ADGRB3: variants seen among roughly 807,000 people sequenced by gnomAD.
The protein encoded by ADGRB3 is brain-specific angiogenesis inhibitor 3.
A neutral mutation model predicts 193.4 loss-of-function variants in ADGRB3; 37 were observed. The ratio of observed to expected loss-of-function variants is 0.19; its 90% CI spans 0.15 to 0.25. ADGRB3 has a LOEUF of 0.25. ADGRB3 is among the 10% of genes least tolerant of loss of function. The pLI is 1.00. For missense variants in ADGRB3, 1,637 were observed against 1,852.9 expected, an observed-to-expected ratio of 0.88 and a Z score of 2.14; for synonymous variants, 690 against 644.2, an observed-to-expected ratio of 1.07 and a Z score of -1.08.
At chr6:68,943,225 G>A (rs1767688838) in intron 5 of ADGRB3, among the ~76,000 whole-genome samples, 1 of 152,094 alleles carries the variant, frequency 6.6e-6, no homozygotes, top group African/African-American at 2.4e-5. Flanking sequence ...TTTTATTTGA[G>A]TAGACACTCT....
intron 29 of ADGRB3, among the ~76,000 whole-genome samples, chr6:69,366,462 G>A (rs902887760): frequency 1.3e-5 from 2 of 152,108 alleles, no homozygotes. Context: ...AATTTGCAGT[G>A]ACGAAAATAA....
chr6:68,879,738 C>T (rs943313081), intron 3 of ADGRB3, among the ~76,000 whole-genome samples: 1 of 152,108 alleles, frequency 6.6e-6, no homozygotes, highest in African/African-American at 2.4e-5. Context: ...AGGAAGTGCA[C>T]TCTGGTCTGT....
rs554155415 is a variant in ADGRB3, at chr6:69,232,370, C to A, written c.2481-920C>A. Reference sequence around the variant, plus strand: ...ACCACGAACAAGACGTAGGTTGATACCATTTTTATTGTTCTGCTGGGGTGG... The same window carrying A: ...ACCACGAACAAGACGTAGGTTGATAACATTTTTATTGTTCTGCTGGGGTGG... On this transcript the variant is annotated intron_variant, in intron 17 of 31. Transcript: ENST00000370598. The A allele has an allele frequency of 2.2e-6, 3 of 1,387,754 alleles. 1 individual carries two copies. In the African/African-American group the frequency reaches 4.4e-5, roughly 20 times the overall value. The allele number at this position is 1,387,754 out of a possible 1,614,324, so 86.0% of individuals were successfully genotyped here.
chr6:68,918,861 G>A (rs1009792105), intron 3 of ADGRB3, among the ~76,000 whole-genome samples: 11 of 152,006 alleles, frequency 7.2e-5, no homozygotes, highest in Non-Finnish European at 1.6e-4. Context: ...TTTAATAAAA[G>A]TTGGATGGAG....
chr6:69,246,193 A>G (rs1199636594), intron 20 of ADGRB3, among the ~76,000 whole-genome samples: 1 of 152,160 alleles, frequency 6.6e-6, no homozygotes, highest in African/African-American at 2.4e-5. Context: ...AAATGTGCGT[A>G]GTTACAATTC....
At chr6:68,791,227 A>G (rs949136236) in intron 3 of ADGRB3, among the ~76,000 whole-genome samples, 1 of 152,262 alleles carries the variant, frequency 6.6e-6, no homozygotes, top group Non-Finnish European at 1.5e-5. Context: ...TAATCATTCT[A>G]AAGGTAATAT....
chr6:68,968,000 G>C (rs1167743401), intron 8 of ADGRB3, among the ~76,000 whole-genome samples: 1 of 152,114 alleles, frequency 6.6e-6, no homozygotes, highest in Non-Finnish European at 1.5e-5. Context: ...CTGTGCAGCT[G>C]GTGGGAAGCT....
At chr6:68,850,117 A>T (rs944540908) in intron 3 of ADGRB3, among the ~76,000 whole-genome samples, 1 of 151,484 alleles carries the variant, frequency 6.6e-6, no homozygotes, top group Non-Finnish European at 1.5e-5. Context: ...TTGTTCTGTA[A>T]CCTCAGGTCC....
At chr6:68,719,341 G>A (rs937059145) in intron 3 of ADGRB3, among the ~76,000 whole-genome samples, 7 of 151,670 alleles carry the variant, frequency 4.6e-5, no homozygotes, top group African/African-American at 7.3e-5. Flanking sequence ...TAGTGTGACC[G>A]AATAATTGAA....
intron 3 of ADGRB3, among the ~76,000 whole-genome samples, chr6:68,887,240 G>T (rs144042567): frequency 1.4e-3 from 216 of 151,984 alleles, no homozygotes; most frequent in Non-Finnish European, 2.4e-3. Flanking sequence ...AACAGGATAT[G>T]TAAACACCCA....
At chr6:69,048,390 A>G in intron 14 of ADGRB3, 56 bp downstream of exon 14, 2 of 1,509,290 alleles carry the variant, frequency 1.3e-6, no homozygotes, top group Non-Finnish European at 1.8e-6. Context: ...AGGTCATTTA[A>G]TTAGAAATTA....
intron 17 of ADGRB3, among the ~76,000 whole-genome samples, chr6:69,126,372 C>G (rs1488016245): frequency 6.6e-6 from 1 of 152,082 alleles, no homozygotes; most frequent in Non-Finnish European, 1.5e-5. Flanking sequence ...AGCTAGAGAA[C>G]CAGGAACGTT....
intron 3 of ADGRB3, among the ~76,000 whole-genome samples, chr6:68,733,975 A>G (rs564709591): frequency 1.3e-5 from 2 of 152,066 alleles, no homozygotes; most frequent in Admixed American, 1.3e-4. Flanking sequence ...TAGACCCCAG[A>G]AATGTATATA....
chr6:69,158,822 A>G (rs576503258), intron 17 of ADGRB3, among the ~76,000 whole-genome samples: 1 of 152,026 alleles, frequency 6.6e-6, no homozygotes, highest in African/African-American at 2.4e-5. Context: ...TCTTCTTGCA[A>G]CTCCAAAGTG....
At chr6:68,757,484 C>T (rs904747167) in intron 3 of ADGRB3, among the ~76,000 whole-genome samples, 5 of 152,014 alleles carry the variant, frequency 3.3e-5, no homozygotes, top group Non-Finnish European at 7.4e-5. Context: ...TATTTTCTAC[C>T]AGACTATTGA....
rs1562128907 is a variant in ADGRB3 at position 69,031,053 on chromosome 6, T to TC, written c.2107+12555dup. On this transcript the variant is annotated intron_variant, in intron 13 of 31. Coordinates refer to ENST00000370598, the MANE Select transcript of ADGRB3 (RefSeq NM_001704.3). ...TCTTCTCTTCTCTCTTCTCTTCTCT[T>TC]CTCTTCTCTTCTCTTCTCTTCTCTT... is the stretch of plus-strand genomic sequence containing the variant. Among the ~76,000 whole-genome samples, 89 of 21,192 alleles carry TC rather than the reference T, an allele frequency of 4.2e-3. 15 individuals are homozygous for TC. Among genetic ancestry groups the TC allele is most frequent in the African/African-American group, 0.012 (83 of 6,858 alleles). 13.9% of individuals were successfully genotyped at this position (21,192 alleles called of 152,430 possible).
chr6:69,006,984 G>A (rs541794305), intron 11 of ADGRB3, among the ~76,000 whole-genome samples: 66 of 151,752 alleles, frequency 4.3e-4, no homozygotes, highest in Non-Finnish European at 7.9e-4. Context: ...TTTACCTCTT[G>A]AGCTATAGGC....
chr6:69,215,152 G>C (rs1366994266), intron 17 of ADGRB3, among the ~76,000 whole-genome samples: 1 of 152,124 alleles, frequency 6.6e-6, no homozygotes, highest in Admixed American at 6.5e-5. Context: ...ACAGAACCCT[G>C]CAGTAGATGC....
intron 24 of ADGRB3, among the ~76,000 whole-genome samples, chr6:69,333,506 A>G (rs1768772281): frequency 6.6e-6 from 1 of 152,060 alleles, no homozygotes; most frequent in Admixed American, 6.6e-5. Context: ...TAGGTCTTAT[A>G]TTTTCATTCT....
Sources: gnomAD v4.1 joint callset for allele counts (sites outside exome capture counted in the v4.1 genomes callset) on GRCh38, gnomAD v4.1.1 for gene constraint, MANE v1.5 for transcripts, NCBI Gene and HGNC (gene_info 2026-07-23, HGNC 2026-07-21) for gene names.